The following NAV2 variants were observed in gnomAD, a reference collection of about 807,000 sequenced individuals.
The protein encoded by NAV2 is neuron navigator 2.
Under a neutral mutation model 223.2 loss-of-function variants are expected in NAV2, and 54 were observed. The ratio of observed to expected loss-of-function variants is 0.24; its 90% CI spans 0.19 to 0.30. The LOEUF is 0.30. Ranked by LOEUF, NAV2 falls within the 10% of genes least tolerant of loss-of-function variation. The pLI, the probability that NAV2 is intolerant of heterozygous loss-of-function variation, is 1.00. For synonymous variants in NAV2, 1,279 were observed against 1,239.3 expected, an observed-to-expected ratio of 1.03 and a Z score of -0.67; for missense variants, 2,806 against 3,147.5, an observed-to-expected ratio of 0.89 and a Z score of 2.60.
At chr11:19,950,835 T>C (rs1390525680) in intron 10 of NAV2, among the ~76,000 whole-genome samples, 1 of 152,230 alleles carries the variant, frequency 6.6e-6, no homozygotes. Context: ...GGGGAGATTG[T>C]CCAATTTTAT....
intron 1 of NAV2, among the ~76,000 whole-genome samples, chr11:19,555,739 A>G (rs1387598353): frequency 6.6e-6 from 1 of 152,136 alleles, no homozygotes; most frequent in Non-Finnish European, 1.5e-5. Context: ...TGAAGACCCC[A>G]AGAAGATGCC....
Position 20,044,005 on chromosome 11 carries a change from G to A in NAV2, c.2932G>A (p.Val978Met). 1 of 1,614,150 alleles carries A rather than the reference G, an allele frequency of 6.2e-7. No homozygotes were observed. The highest frequency in any genetic ancestry group is 8.5e-7 in the Non-Finnish European group (1 of 1,179,994). The change falls in exon 13 of 38, where the codon GTG becomes ATG. Residue 978 changes from valine to methionine, a missense_variant. Around this residue, in one of 4 missense-constraint regions of NAV2, gnomAD observed 73 missense variants for 119.7 expected, o/e 0.61. Transcript: ENST00000349880. Reference protein sequence around the residue: ...VQTDAEKHSQVERNSLWSGDD... With the variant: ...VQTDAEKHSQMERNSLWSGDD... ...GACTGATGCTGAGAAGCACTCACAG[G>A]TGGAGAGGAATTCCCTGTGGTCTGG...
At chr11:19,611,303 G>A (rs1249073232) in intron 1 of NAV2, among the ~76,000 whole-genome samples, 2 of 152,152 alleles carry the variant, frequency 1.3e-5, no homozygotes, top group Non-Finnish European at 2.9e-5. Context: ...TGGGGACACA[G>A]CCAAACCATA....
Position 19,934,221 on chromosome 11 carries a change from G to C in NAV2, c.1977G>C (p.Gln659His), listed in dbSNP as rs2045640966. Reference protein sequence around the residue: ...GSNTVSVQLPQPQQQYNHPNT... With the variant: ...GSNTVSVQLPHPQQQYNHPNT... ...ATACCGTCAGTGTTCAGCTACCTCA[G>C]CCCCAGCAGCAATACAACCATCCCA... is the stretch of plus-strand genomic sequence containing the variant. The change falls in exon 7 of 38, where the codon CAG (glutamine) becomes CAC (histidine). Residue 659 changes from glutamine to histidine, a missense_variant. Physicochemically the swap from Gln to His is conservative, Grantham distance 24. Around this residue, in one of 4 missense-constraint regions of NAV2, gnomAD observed 1,167 missense variants for 1,180.5 expected, o/e 0.99. Coordinates refer to ENST00000349880, the MANE Select transcript of NAV2 (RefSeq NM_145117.5). 1.2e-6 allele frequency: 2 copies of C among 1,612,444 alleles called. No individual in the cohort carries two copies. The highest frequency in any genetic ancestry group is 1.7e-6 in the Non-Finnish European group (2 of 1,179,256).
intron 32 of NAV2, among the ~76,000 whole-genome samples, chr11:20,101,757 G>T (rs1327392821): frequency 6.6e-6 from 1 of 152,174 alleles, no homozygotes; most frequent in Non-Finnish European, 1.5e-5. Context: ...AAATAGATTG[G>T]CTCCTGCTTC....
At chr11:20,109,710 C>G (rs1186389959) in intron 36 of NAV2, among the ~76,000 whole-genome samples, 1 of 152,176 alleles carries the variant, frequency 6.6e-6, no homozygotes, top group Non-Finnish European at 1.5e-5. Flanking sequence ...GACTGTTTGC[C>G]CCTGATTCCA....
chr11:19,592,141 A>T (rs942654469), intron 1 of NAV2, among the ~76,000 whole-genome samples: 1 of 152,116 alleles, frequency 6.6e-6, no homozygotes, highest in African/African-American at 2.4e-5. Context: ...GATTGATTCA[A>T]TATTGATTTG....
intron 1 of NAV2, among the ~76,000 whole-genome samples, chr11:19,580,493 C>T (rs1049440096): frequency 6.6e-6 from 1 of 152,104 alleles, no homozygotes; most frequent in Non-Finnish European, 1.5e-5. Flanking sequence ...GGTCTCTCTT[C>T]CTCTTCTTGC....
At chr11:19,565,880 C>G (rs2045252304) in intron 1 of NAV2, among the ~76,000 whole-genome samples, 1 of 152,154 alleles carries the variant, frequency 6.6e-6, no homozygotes, top group East Asian at 1.9e-4. Context: ...GGCCTGGCAT[C>G]CAATGGCAGC....
chr11:19,851,142 C>T (rs1459475694), intron 3 of NAV2, among the ~76,000 whole-genome samples: 1 of 152,164 alleles, frequency 6.6e-6, no homozygotes, highest in Non-Finnish European at 1.5e-5. Flanking sequence ...TTGTGATTGC[C>T]ATTTTATAGA....
intron 1 of NAV2, among the ~76,000 whole-genome samples, chr11:19,443,942 T>C (rs1262932710): frequency 6.6e-6 from 1 of 152,162 alleles, no homozygotes; most frequent in African/African-American, 2.4e-5. Flanking sequence ...GTTATTATTA[T>C]TTTTTTGAGA....
chr11:19,916,433 T>A (rs1454925954), intron 6 of NAV2, among the ~76,000 whole-genome samples: 1 of 152,258 alleles, frequency 6.6e-6, no homozygotes, highest in Non-Finnish European at 1.5e-5. Flanking sequence ...AAGTTGCTGT[T>A]GCTGTTAACT....
chr11:19,378,297 G>A (rs533676556), intron 1 of NAV2, among the ~76,000 whole-genome samples: 14 of 152,144 alleles, frequency 9.2e-5, no homozygotes, highest in South Asian at 4.2e-4. Context: ...TCATTTTCAC[G>A]TCCAGTCGTC....
chr11:19,829,705 G>A (rs1028429977), intron 1 of NAV2, among the ~76,000 whole-genome samples: 3 of 152,126 alleles, frequency 2.0e-5, no homozygotes, highest in South Asian at 2.1e-4. Flanking sequence ...TCCAGAGCAC[G>A]CCTCTTTATT....
intron 1 of NAV2, among the ~76,000 whole-genome samples, chr11:19,563,899 T>C (rs547206491): frequency 2.0e-5 from 3 of 152,328 alleles, no homozygotes; most frequent in Admixed American, 6.5e-5. Context: ...TGCTTAGCAT[T>C]GGGCTTGGCA....
Position 19,459,190 on chromosome 11 carries a change from G to A in NAV2, c.75+108163G>A, listed in dbSNP as rs192038886. Among the ~76,000 whole-genome samples, 253 of 152,358 alleles carry A rather than the reference G, an allele frequency of 1.7e-3. 1 individual carries two copies. The highest frequency in any genetic ancestry group is 5.7e-3 in the African/African-American group (235 of 41,592). Reference sequence around the variant, plus strand: ...TATGCATAAAGAAATGCATTAGCTTGTGTCATTGAATTGACCGGGGGTAGC... The same window carrying A: ...TATGCATAAAGAAATGCATTAGCTTATGTCATTGAATTGACCGGGGGTAGC... On this transcript the variant is annotated intron_variant, in intron 1 of 37. Transcript: ENST00000360655.
intron 4 of NAV2, among the ~76,000 whole-genome samples, chr11:19,870,040 G>A (rs561580840): frequency 1.4e-4 from 21 of 152,218 alleles, no homozygotes; most frequent in Non-Finnish European, 2.1e-4. Context: ...GATGTATTGC[G>A]TCTCTGAGTG....
At chr11:19,479,432 C>A (rs959682678) in intron 1 of NAV2, among the ~76,000 whole-genome samples, 1 of 152,114 alleles carries the variant, frequency 6.6e-6, no homozygotes, top group Non-Finnish European at 1.5e-5. Flanking sequence ...TATTGAGTAC[C>A]ATGTGCCAGA....
rs910768782 is a variant in NAV2 at position 20,089,682 on chromosome 11, C to T, written c.5499-1183C>T. ...GTCAAAGCTTTCTATTCTGGATCAC[C>T]CAGTAACCCAGATGCTAAGATCGTC... is the stretch of plus-strand genomic sequence containing the variant. On this transcript the variant is annotated intron_variant, in intron 26 of 37. Coordinates refer to ENST00000349880, the MANE Select transcript of NAV2 (RefSeq NM_145117.5). 8.5e-5 allele frequency among the ~76,000 whole-genome samples: 13 copies of T among 152,292 alleles called. No individual in the cohort carries two copies. The South Asian group carries it at 2.5e-3, about 29-fold the overall frequency.
Sources: gnomAD v4.1 joint callset for allele counts (sites outside exome capture counted in the v4.1 genomes callset) on GRCh38, gnomAD v4.1.1 for gene constraint, gnomAD v4.1.1 regional missense constraint, MANE v1.5 for transcripts, NCBI Gene and HGNC (gene_info 2026-07-23, HGNC 2026-07-21) for gene names.